Variants in STK38 observed in about 807,000 individuals in gnomAD.
STK38 encodes the protein serine/threonine kinase 38.
In STK38, 26 loss-of-function variants were observed where a neutral mutation model predicts 59.0. That is an observed-to-expected ratio of 0.44 (90% CI 0.32 to 0.61). The LOEUF (loss-of-function observed/expected upper bound fraction) is 0.61, where lower values mean the gene tolerates loss of function less well. Ranked by LOEUF, STK38 falls within the 20% of genes least tolerant of loss-of-function variation. The pLI is 0.04. For synonymous variants in STK38, 175 were observed against 176.6 expected (o/e 0.99, Z 0.07); for missense variants, 433 against 566.0 (o/e 0.76, Z 2.38).
rs564337917 is a variant in STK38 at position 36,543,056 on chromosome 6, G to A, written c.-5-2849C>T. Among the ~76,000 whole-genome samples, 4 of 152,112 alleles carry A rather than the reference G, an allele frequency of 2.6e-5. No individual in the cohort carries two copies. The South Asian group carries it at 6.2e-4, about 24-fold the overall frequency. ...CTAACATTGACTTGCTCCAGCATTGGCAATAGCGCTCAATTTTTTTTTTTT... is the reference window on the plus strand; with the variant it reads ...CTAACATTGACTTGCTCCAGCATTGACAATAGCGCTCAATTTTTTTTTTTT... On this transcript the variant is annotated intron_variant, in intron 1 of 13. Coordinates refer to ENST00000229812, the MANE Select transcript of STK38 (RefSeq NM_007271.4).
At chr6:36,525,832 T>C (rs1163926133) in intron 2 of STK38, among the ~76,000 whole-genome samples, 190 bp from the exon 3 acceptor site, 1 of 151,264 alleles carries the variant, frequency 6.6e-6, no homozygotes, top group African/African-American at 2.4e-5. Flanking sequence ...TTAGGCCTAC[T>C]TTTTTTTGGC....
chr6:36,522,930 G>C (rs1777416577), intron 4 of STK38, among the ~76,000 whole-genome samples: 1 of 150,324 alleles, frequency 6.7e-6, no homozygotes, highest in Non-Finnish European at 1.5e-5. Context: ...GTTTTATGTA[G>C]TTTTCCTTCT....
chr6:36,496,186 G>C (rs572848108), intron 13 of STK38, among the ~76,000 whole-genome samples: 398 of 151,970 alleles, frequency 2.6e-3, no homozygotes, highest in Non-Finnish European at 4.5e-3. Flanking sequence ...TGGGACTACA[G>C]GCGTGTGCCA....
chr6:36,500,958 A>C (rs992566457), intron 9 of STK38, among the ~76,000 whole-genome samples: 5 of 150,542 alleles, frequency 3.3e-5, no homozygotes, highest in Non-Finnish European at 7.4e-5. Flanking sequence ...TCTTGGAGGA[A>C]TGTTTTCTTT....
intron 1 of STK38, among the ~76,000 whole-genome samples, chr6:36,542,414 TTCC>T (rs781431850): frequency 1.1e-4 from 17 of 152,162 alleles, no homozygotes; most frequent in Non-Finnish European, 2.4e-4. Context: ...AGATCTTAAT[TTCC>T]TCATTTTACA....
chr6:36,513,983 G>A (rs1233080), intron 7 of STK38, among the ~76,000 whole-genome samples: 66,005 of 150,572 alleles, frequency 0.44, 16,249 homozygotes, highest in African/African-American at 0.65. Flanking sequence ...GTGAAACCCC[G>A]TCTCTACTAA....
At chr6:36,533,893 A>T (rs930415781) in intron 2 of STK38, among the ~76,000 whole-genome samples, 3 of 152,250 alleles carry the variant, frequency 2.0e-5, no homozygotes, top group African/African-American at 7.2e-5. Context: ...CTAACACGGG[A>T]CACTGTGCAG....
chr6:36,521,680 G>GT (rs1481619536), intron 5 of STK38, 54 bp downstream of exon 5: 14 of 1,396,872 alleles, frequency 1.0e-5, no homozygotes, highest in Non-Finnish European at 1.3e-5. Flanking sequence ...AAAAAGAAAA[G>GT]TTTTAGGAGA....
chr6:36,496,748 G>A lies in STK38; in HGVS notation c.1230C>T (p.Phe410=), dbSNP rs930826713. 3.7e-6 allele frequency: 6 copies of A among 1,613,570 alleles called. No homozygotes were observed. In the South Asian group the frequency reaches 4.4e-5, roughly 12 times the overall value. ...GAATATCAGATTCTGGAAACTCATCGAAGTTTGAGGTATCATCAATGCTTT... is the reference window on the plus strand; with the variant it reads ...GAATATCAGATTCTGGAAACTCATCAAAGTTTGAGGTATCATCAATGCTTT... The part of the protein sequence containing the change: ...EIKSIDDTSN[F]DEFPESDILK... The change falls in exon 13 of 14, where the codon TTC becomes TTT. Residue 410 remains phenylalanine (F), a synonymous_variant. Coordinates refer to ENST00000229812, the MANE Select transcript of STK38 (RefSeq NM_007271.4).
At chr6:36,524,896 T>G (rs1777473095) in intron 3 of STK38, among the ~76,000 whole-genome samples, 1 of 152,270 alleles carries the variant, frequency 6.6e-6, no homozygotes, top group South Asian at 2.1e-4. Flanking sequence ...CGTCCTGGGT[T>G]CTGCAAGCCA....
chr6:36,530,736 G>C (rs182920157), intron 2 of STK38, among the ~76,000 whole-genome samples: 1 of 147,090 alleles, frequency 6.8e-6, no homozygotes, highest in Non-Finnish European at 1.5e-5. Flanking sequence ...TGTTACCCAG[G>C]CTGGAGTGCA....
intron 2 of STK38, among the ~76,000 whole-genome samples, chr6:36,527,554 A>G (rs1453759361): frequency 7.0e-6 from 1 of 143,194 alleles, no homozygotes; most frequent in African/African-American, 2.6e-5. Flanking sequence ...CTCTGCCTCA[A>G]AGAAAAAAAA....
chr6:36,506,778 T>C, intron 8 of STK38, 134 bp from the exon 9 acceptor site: 1 of 712,082 alleles, frequency 1.4e-6, no homozygotes, highest in South Asian at 1.8e-5. Flanking sequence ...AAGCTCCAGA[T>C]GATACATATC....
At position 36,525,618 on chromosome 6, in the gene STK38, C is replaced by T; in HGVS notation, c.156G>A (p.Met52Ile). 6.2e-7 allele frequency: 1 copy of T among 1,613,734 alleles called. No individual in the cohort carries two copies. The highest frequency in any genetic ancestry group is 8.5e-7 in the Non-Finnish European group (1 of 1,179,736). The change falls in exon 3 of 14, where the codon ATG becomes ATA. Residue 52 changes from methionine (M) to isoleucine (I), a missense_variant. Physicochemically the swap from Met to Ile is conservative, Grantham distance 10. Coordinates refer to ENST00000229812, the MANE Select transcript of STK38 (RefSeq NM_007271.4). ...EMRQKKLEKV[M>I]EEEGLKDEEK... Reference sequence around the variant, plus strand: ...CCTCATCTTTTAGGCCTTCTTCTTCCATCACCTTTTCTAACTTCTTTTGTC... The same window carrying T: ...CCTCATCTTTTAGGCCTTCTTCTTCTATCACCTTTTCTAACTTCTTTTGTC...
chr6:36,511,527 T>C (rs1216222270), intron 7 of STK38, among the ~76,000 whole-genome samples: 1 of 151,732 alleles, frequency 6.6e-6, no homozygotes, highest in Non-Finnish European at 1.5e-5. Context: ...GGCTAATTTT[T>C]TTGTGTTTTT....
Position 36,517,755 on chromosome 6 carries a change from T to C in STK38, c.476A>G (p.Lys159Arg). 6.2e-7 allele frequency: 1 copy of C among 1,614,126 alleles called. No homozygotes were observed. The change falls in exon 6 of 14, where the codon AAG becomes AGG. Residue 159 changes from lysine to arginine, a missense_variant. Physicochemically the swap from Lys to Arg is conservative, Grantham distance 26. Coordinates refer to ENST00000229812, the MANE Select transcript of STK38 (RefSeq NM_007271.4). The part of the protein sequence containing the change: ...VVKMFYSFQD[K>R]LNLYLIMEFL... ...CTCCATGATTAGGTAGAGGTTTAGC[T>C]TATCCTGAAAACTATAGAACATTTT...
At chr6:36,520,679 G>A (rs1300087343) in intron 5 of STK38, among the ~76,000 whole-genome samples, 1 of 152,118 alleles carries the variant, frequency 6.6e-6, no homozygotes, top group Non-Finnish European at 1.5e-5. Context: ...TTTGAAAAAG[G>A]TTGGCGTTAG....
intron 2 of STK38, among the ~76,000 whole-genome samples, chr6:36,538,070 G>A (rs760513183): frequency 1.1e-4 from 16 of 151,970 alleles, no homozygotes; most frequent in Non-Finnish European, 1.5e-4. Flanking sequence ...AGAGGCTGTG[G>A]CAGGTGGATC....
chr6:36,494,146 A>C lies in STK38; in HGVS notation c.*1638T>G, dbSNP rs1389793062. 1.3e-5 allele frequency: 2 copies of C among 152,312 alleles called. No individual in the cohort carries two copies. The highest frequency in any genetic ancestry group is 2.9e-5 in the Non-Finnish European group (2 of 68,046). 9.4% of individuals were successfully genotyped at this position (152,312 alleles called of 1,614,324 possible). A position where few individuals can be genotyped will look rare whatever the true frequency, so the allele number is the denominator to read the frequency against. ...TTTTCACTAGCAGGCTATGAATGAAAGACTGAGAGGCAAACACATCACCTT... is the reference window on the plus strand; with the variant it reads ...TTTTCACTAGCAGGCTATGAATGAACGACTGAGAGGCAAACACATCACCTT... On this transcript the variant is annotated 3_prime_UTR_variant, in exon 14 of 14. Coordinates refer to ENST00000229812, the MANE Select transcript of STK38 (RefSeq NM_007271.4).
Sources: gnomAD v4.1 joint callset for allele counts (sites outside exome capture counted in the v4.1 genomes callset) on GRCh38, gnomAD v4.1.1 for gene constraint, MANE v1.5 for transcripts, NCBI Gene and HGNC (gene_info 2026-07-23, HGNC 2026-07-21) for gene names.